The following CNNM2 variants were observed in gnomAD, a reference collection of about 807,000 sequenced individuals.
The protein encoded by CNNM2 is cyclin and CBS domain divalent metal cation transport mediator 2.
In CNNM2, 12 loss-of-function variants were observed where a neutral mutation model predicts 66.9. That is an observed-to-expected ratio of 0.18 (90% CI 0.11 to 0.29). The LOEUF is 0.29. CNNM2 is among the 10% of genes least tolerant of loss of function. The pLI, the probability that CNNM2 is intolerant of heterozygous loss-of-function variation, is 1.00. For synonymous variants in CNNM2, 557 were observed against 501.8 expected, an observed-to-expected ratio of 1.11 and a Z score of -1.47; for missense variants, 705 against 1,167.7, an observed-to-expected ratio of 0.60 and a Z score of 5.77.
At chr10:103,067,923 CCAG>C (rs2065508345) in intron 4 of CNNM2, among the ~76,000 whole-genome samples, 2 of 152,194 alleles carry the variant, frequency 1.3e-5, no homozygotes, top group African/African-American at 4.8e-5. Flanking sequence ...CAGCAAGTTA[CCAG>C]CCTGCGAGGG....
At chr10:103,026,296 A>AAATGTCATAAAT (rs2064701827) in intron 1 of CNNM2, among the ~76,000 whole-genome samples, 1 of 152,218 alleles carries the variant, frequency 6.6e-6, no homozygotes, top group South Asian at 2.1e-4. Flanking sequence ...CATCAAGTAC[A>AAATGTCATAAAT]AATGTCATAA....
chr10:102,991,409 A>T (rs543529988), intron 1 of CNNM2, among the ~76,000 whole-genome samples: 1 of 152,250 alleles, frequency 6.6e-6, no homozygotes, highest in South Asian at 2.1e-4. Flanking sequence ...GATTAAAAGG[A>T]TATTTATTTT....
At chr10:103,009,894 A>C (rs2064306910) in intron 1 of CNNM2, among the ~76,000 whole-genome samples, 1 of 151,838 alleles carries the variant, frequency 6.6e-6, no homozygotes. Context: ...CACCTGCATC[A>C]GACTGGATTT....
At chr10:102,965,537 C>A (rs924290977) in intron 1 of CNNM2, among the ~76,000 whole-genome samples, 1 of 152,188 alleles carries the variant, frequency 6.6e-6, no homozygotes, top group African/African-American at 2.4e-5. Context: ...TCACTAAAAT[C>A]TCAGTGATTT....
chr10:102,933,262 C>T (rs961771701), intron 1 of CNNM2, among the ~76,000 whole-genome samples: 4 of 152,114 alleles, frequency 2.6e-5, no homozygotes, highest in Admixed American at 1.3e-4. Flanking sequence ...CATCCATGAA[C>T]GGGGATGTCA....
At chr10:103,042,212 C>G (rs1362508128) in intron 1 of CNNM2, among the ~76,000 whole-genome samples, 1 of 152,224 alleles carries the variant, frequency 6.6e-6, no homozygotes, top group African/African-American at 2.4e-5. Context: ...CCTGCTGGCT[C>G]TTTCTGAAAC....
At position 102,918,575 on chromosome 10, in the gene CNNM2, G is replaced by A. The variant is rs749255923; in HGVS notation, c.95G>A (p.Ser32Asn). The part of the protein sequence containing the change: ...LPTWKMAARR[S>N]LSARGRGILQ... ...ACTTGGAAGATGGCGGCGCGCCGCA[G>A]CCTCAGCGCTCGCGGCCGGGGGATC... The change falls in exon 1 of 8, where the codon AGC becomes AAC. Residue 32 changes from serine (S) to asparagine (N), a missense_variant. Physicochemically the swap from Ser to Asn is conservative, Grantham distance 46 (BLOSUM62 1). Transcript: ENST00000369878. This position sits in a 1 kb window ranked among gnomAD's most constrained non-coding sequence, Gnocchi z 4.1. The A allele has an allele frequency of 3.8e-6, 6 of 1,581,042 alleles. No homozygotes were observed. The highest frequency in any genetic ancestry group is 3.6e-5 in the Admixed American group (2 of 55,570).
intron 1 of CNNM2, among the ~76,000 whole-genome samples, chr10:102,972,093 AT>A (rs2063554760): frequency 6.6e-6 from 1 of 152,148 alleles, no homozygotes; most frequent in Non-Finnish European, 1.5e-5. Flanking sequence ...TTAGTTTTGT[AT>A]GTTGTCAGAT....
intron 1 of CNNM2, among the ~76,000 whole-genome samples, chr10:102,995,576 T>G (rs923967454): frequency 4.0e-5 from 6 of 151,672 alleles, no homozygotes; most frequent in Admixed American, 1.3e-4. Context: ...GTAGAGTTTT[T>G]GGGGGAAAGT....
chr10:103,045,991 G>GT (rs955581334), intron 1 of CNNM2, among the ~76,000 whole-genome samples: 3 of 152,152 alleles, frequency 2.0e-5, no homozygotes, highest in African/African-American at 7.2e-5. Flanking sequence ...ATATAGTGGG[G>GT]TTTTTTCCCT....
At chr10:103,006,773 C>T (rs538346333) in intron 1 of CNNM2, among the ~76,000 whole-genome samples, 185 of 152,150 alleles carry the variant, frequency 1.2e-3, no homozygotes, top group Middle Eastern at 6.8e-3. Context: ...ATTACAGGTG[C>T]ACACCATCAT....
intron 1 of CNNM2, among the ~76,000 whole-genome samples, chr10:102,960,194 A>G (rs1424852966): frequency 6.6e-6 from 1 of 152,218 alleles, no homozygotes; most frequent in African/African-American, 2.4e-5. Context: ...GCCCAGGAAA[A>G]GTAGTTTTTG....
intron 1 of CNNM2, among the ~76,000 whole-genome samples, chr10:102,969,069 A>G (rs1351787251): frequency 6.6e-6 from 1 of 151,860 alleles, no homozygotes; most frequent in Non-Finnish European, 1.5e-5. Context: ...GTGCACCACC[A>G]TGCCTGGCTA....
At chr10:103,048,072 C>T (rs564194949) in intron 1 of CNNM2, among the ~76,000 whole-genome samples, 22 of 151,892 alleles carry the variant, frequency 1.4e-4, no homozygotes, top group Non-Finnish European at 2.6e-4. Context: ...CAGGCGTGCA[C>T]CACCACACCT....
Position 103,082,854 on chromosome 10 carries a change from C to G in CNNM2, c.*5674C>G, listed in dbSNP as rs1216929670. The G allele has an allele frequency of 6.6e-6, 1 of 152,266 alleles. No homozygotes were observed. 9.4% of individuals were successfully genotyped at this position (152,266 alleles called of 1,614,324 possible). A position where few individuals can be genotyped will look rare whatever the true frequency, so the allele number is the denominator to read the frequency against. ...CAAGGTGGTTTCTTGGTGACAGGCTCTCTTCCCCTATGTAGGGTACAGTAC... is the reference window on the plus strand; with the variant it reads ...CAAGGTGGTTTCTTGGTGACAGGCTGTCTTCCCCTATGTAGGGTACAGTAC... On this transcript the variant is annotated 3_prime_UTR_variant, in exon 8 of 8. Transcript: ENST00000369878.
Position 103,002,778 on chromosome 10 carries a change from T to C in CNNM2, c.1622-46929T>C, listed in dbSNP as rs10786732. ...ACAGGCGTGAGCCACTGCGCCTGGC[T>C]GGTTGGAATCCTTATACATTGGTGG... On this transcript the variant is annotated intron_variant, in intron 1 of 7. Transcript: ENST00000369878. Among the ~76,000 whole-genome samples, 46,922 of 152,026 alleles carry C rather than the reference T, an allele frequency of 0.31. 7,398 individuals are homozygous for C. The highest frequency in any genetic ancestry group is 0.37 in the Middle Eastern group (109 of 292).
intron 1 of CNNM2, among the ~76,000 whole-genome samples, chr10:102,972,742 A>G (rs536505908): frequency 6.6e-6 from 1 of 152,180 alleles, no homozygotes; most frequent in East Asian, 1.9e-4. Flanking sequence ...TTTTTCTTTG[A>G]GAGTGTGAAG....
intron 1 of CNNM2, among the ~76,000 whole-genome samples, chr10:103,029,783 T>C (rs1423978618): frequency 6.6e-6 from 1 of 151,778 alleles, no homozygotes; most frequent in Non-Finnish European, 1.5e-5. Flanking sequence ...GGAGAATCCC[T>C]TGAACCTGGG....
intron 1 of CNNM2, among the ~76,000 whole-genome samples, chr10:102,997,499 GAAGAATA>G (rs1212460150): frequency 6.6e-6 from 1 of 152,084 alleles, no homozygotes; most frequent in Admixed American, 6.6e-5. Context: ...TTCGAATTCT[GAAGAATA>G]AATATAATGG....
Sources: allele counts gnomAD v4.1 joint callset (sites outside exome capture counted in the v4.1 genomes callset), GRCh38; gene constraint gnomAD v4.1.1; non-coding constraint Gnocchi (gnomAD v3.1); transcripts MANE v1.5; gene names NCBI Gene and HGNC (gene_info 2026-07-23, HGNC 2026-07-21).